Variants in ZBTB24 observed in about 807,000 individuals in gnomAD.
ZBTB24 encodes zinc finger and BTB domain-containing protein 24.
In ZBTB24, 32 loss-of-function variants were observed where a neutral mutation model predicts 53.8. The ratio of observed to expected loss-of-function variants is 0.60; its 90% CI spans 0.45 to 0.80. The LOEUF (loss-of-function observed/expected upper bound fraction) is 0.80, where lower values mean the gene tolerates loss of function less well. Ranked by LOEUF, ZBTB24 falls within the 30% of genes least tolerant of loss-of-function variation. ZBTB24 has a pLI of 0.00. For synonymous variants in ZBTB24, 297 were observed against 306.7 expected, an observed-to-expected ratio of 0.97 and a Z score of 0.33; for missense variants, 722 against 837.1, an observed-to-expected ratio of 0.86 and a Z score of 1.70.
rs941052898 is a variant in ZBTB24, at chr6:109,464,052, T to A, written c.*1799A>T. ...TTTAATTTCCTGGAGAAAATGTGGATTGGTGGGCTTTGAAAAGTTGGTAAA... is the reference window on the plus strand; with the variant it reads ...TTTAATTTCCTGGAGAAAATGTGGAATGGTGGGCTTTGAAAAGTTGGTAAA... On this transcript the variant is annotated 3_prime_UTR_variant, in exon 7 of 7. Transcript: ENST00000230122. The A allele has an allele frequency of 4.6e-5, 7 of 152,242 alleles. No homozygotes were observed. The highest frequency in any genetic ancestry group is 1.0e-4 in the Non-Finnish European group (7 of 68,006). The allele number at this position is 152,242 out of a possible 1,614,324, so 9.4% of individuals were successfully genotyped here.
chr6:109,475,540 A>G, intron 4 of ZBTB24, 58 bp from the exon 5 acceptor site: 1 of 1,591,672 alleles, frequency 6.3e-7, no homozygotes, highest in Non-Finnish European at 8.6e-7. Context: ...CCTTTTCTTC[A>G]GTGATTTGTG....
In ZBTB24 at chr6:109,465,788, C is replaced by A; in HGVS notation, c.*63G>T. On this transcript the variant is annotated 3_prime_UTR_variant, in exon 7 of 7. Coordinates refer to ENST00000230122, the MANE Select transcript of ZBTB24 (RefSeq NM_014797.3). Reference sequence around the variant, plus strand: ...TGTGGAGAGCCTGATTTCAAGCGTTCAAAATCCAGTCAGAGCTGGCTTATA... The same window carrying A: ...TGTGGAGAGCCTGATTTCAAGCGTTAAAAATCCAGTCAGAGCTGGCTTATA... 6.2e-7 allele frequency: 1 copy of A among 1,613,944 alleles called. No individual in the cohort carries two copies. The highest frequency in any genetic ancestry group is 1.1e-5 in the South Asian group (1 of 91,052).
In ZBTB24 at chr6:109,466,108, G is replaced by C; in HGVS notation, c.1837C>G (p.Gln613Glu). The change falls in exon 7 of 7, where the codon CAA (glutamine) becomes GAA (glutamate). Residue 613 changes from glutamine to glutamate, a missense_variant. By Grantham distance (29) the Gln-to-Glu change is conservative. Coordinates refer to ENST00000230122, the MANE Select transcript of ZBTB24 (RefSeq NM_014797.3). ...QNLILSAQQE[Q>E]TEHIQSLNMI... ...TTGAGGCTCTGAATGTGTTCTGTTT[G>C]CTCCTGTTGAGCTGAAAGAATTAAA... 6.2e-7 allele frequency: 1 copy of C among 1,614,260 alleles called. No homozygotes were observed. Among genetic ancestry groups the C allele is most frequent in the Non-Finnish European group, 8.5e-7 (1 of 1,180,056 alleles).
Position 109,464,009 on chromosome 6 carries a change from C to G in ZBTB24, c.*1842G>C, listed in dbSNP as rs1357279667. 1.3e-5 allele frequency: 2 copies of G among 152,144 alleles called. No homozygotes were observed. Among genetic ancestry groups the G allele is most frequent in the African/African-American group, 4.8e-5 (2 of 41,422 alleles). 9.4% of individuals were successfully genotyped at this position (152,144 alleles called of 1,614,324 possible). ...CACCTAGCTATCCAGAGTGAGTAAA[C>G]ACTCACTTACTTAAATATTTAATTT... On this transcript the variant is annotated 3_prime_UTR_variant, in exon 7 of 7. Transcript: ENST00000230122.
rs1582678735 is a variant in ZBTB24, at chr6:109,476,912, C to T, written c.971G>A (p.Cys324Tyr). ...RSHTGERPFKCNECGKGFAQK... is the reference protein window; with the variant it reads ...RSHTGERPFKYNECGKGFAQK... Reference sequence around the variant, plus strand: ...GGCAAAGCCTTTTCCACACTCATTACATTTGAAAGGTCGCTCCCCTGGAAG... The same window carrying T: ...GGCAAAGCCTTTTCCACACTCATTATATTTGAAAGGTCGCTCCCCTGGAAG... Residue 324 changes from cysteine (C) to tyrosine (Y), a missense_variant, in exon 3 of 7, where the codon TGT becomes TAT. Physicochemically the swap from Cys to Tyr is radical, Grantham distance 194. Coordinates refer to ENST00000230122, the MANE Select transcript of ZBTB24 (RefSeq NM_014797.3). 23 of 1,614,102 alleles carry T rather than the reference C, an allele frequency of 1.4e-5. No homozygotes were observed. The highest frequency in any genetic ancestry group is 1.9e-5 in the Non-Finnish European group (22 of 1,180,028).
intron 2 of ZBTB24, 114 bp downstream of exon 2, chr6:109,480,961 A>T (rs928036643): frequency 6.5e-7 from 1 of 1,533,702 alleles, no homozygotes; most frequent in African/African-American, 1.4e-5. Flanking sequence ...ACATGTATAA[A>T]GGCTTTATTA....
Position 109,466,225 on chromosome 6 carries a change from T to G in ZBTB24, c.1720A>C (p.Ser574Arg). ...TGGGAACTCTCTGCAGTCACAATGC[T>G]GATTCCCTGGCTAGGACCGGGCATG... is the stretch of plus-strand genomic sequence containing the variant. ...NFMPGPSQGI[S>R]IVTAESSQNM... Residue 574 changes from serine to arginine, a missense_variant, in exon 7 of 7, where the codon AGC (serine) becomes CGC (arginine). By Grantham distance (110) the Ser-to-Arg change is moderately radical. Transcript: ENST00000230122. The G allele has an allele frequency of 6.2e-7, 1 of 1,614,250 alleles. No homozygotes were observed. The highest frequency in any genetic ancestry group is 8.5e-7 in the Non-Finnish European group (1 of 1,180,038).
At chr6:109,482,836 T>C (rs1241341491) in intron 1 of ZBTB24, among the ~76,000 whole-genome samples, 1 of 152,200 alleles carries the variant, frequency 6.6e-6, no homozygotes, top group Non-Finnish European at 1.5e-5. Context: ...TGAAGAAATG[T>C]GCACGTGCAA....
Position 109,481,384 on chromosome 6 carries a change from CT to C in ZBTB24, c.642del (p.Glu215LysfsTer95). 3 of 1,614,196 alleles carry C rather than the reference CT, an allele frequency of 1.9e-6. No homozygotes were observed. The highest frequency in any genetic ancestry group is 2.5e-6 in the Non-Finnish European group (3 of 1,180,044). On this transcript the variant is annotated frameshift_variant, in exon 2 of 7. Transcript: ENST00000230122. LOFTEE classifies it high-confidence loss of function. ...SGVLNEQIAA[K>X]EKEESEPTCE... ...CAAGTAGGCTCCGATTCTTCCTTTTCTTTTGCTGCAATTTGCTCATTCAGTA... is the reference window on the plus strand; with the variant it reads ...CAAGTAGGCTCCGATTCTTCCTTTTCTTTGCTGCAATTTGCTCATTCAGTA...
intron 2 of ZBTB24, among the ~76,000 whole-genome samples, chr6:109,478,956 A>C (rs1776338402): frequency 6.6e-6 from 1 of 152,134 alleles, no homozygotes. Flanking sequence ...GAAAAAAAAG[A>C]GCTCCTAAAG....
chr6:109,479,864 C>G (rs1018470017), intron 2 of ZBTB24, among the ~76,000 whole-genome samples: 1 of 139,282 alleles, frequency 7.2e-6, no homozygotes, highest in East Asian at 2.1e-4. Flanking sequence ...TGCGGTGAGC[C>G]GAGATCGCGC....
At chr6:109,480,630 A>G (rs373626796) in intron 2 of ZBTB24, among the ~76,000 whole-genome samples, 65 of 152,350 alleles carry the variant, frequency 4.3e-4, no homozygotes, top group African/African-American at 1.5e-3. Context: ...AAGCATGGTT[A>G]TGGTCAAGAT....
chr6:109,467,465 TC>T (rs1776071331), intron 6 of ZBTB24, 187 bp downstream of exon 6: 1 of 949,794 alleles, frequency 1.1e-6, no homozygotes, highest in Non-Finnish European at 1.3e-6. Flanking sequence ...ACCACTGCAC[TC>T]CAGCCTGGGC....
intron 2 of ZBTB24, among the ~76,000 whole-genome samples, chr6:109,480,313 G>A (rs920696905): frequency 1.3e-5 from 2 of 152,220 alleles, no homozygotes; most frequent in Non-Finnish European, 2.9e-5. Flanking sequence ...GGGCTCAAAG[G>A]AGGAAGGGAT....
Position 109,467,684 on chromosome 6 carries a change from T to C in ZBTB24, c.1339A>G (p.Ser447Gly), listed in dbSNP as rs765839923. ...EICGKSFTAK[S>G]SLQTHIRIHR... Reference sequence around the variant, plus strand: ...ATTCTGATGTGGGTCTGAAGAGAACTCTTTGCTGTGAAAGATTTGCCACAG... The same window carrying C: ...ATTCTGATGTGGGTCTGAAGAGAACCCTTTGCTGTGAAAGATTTGCCACAG... Residue 447 changes from serine (S) to glycine (G), a missense_variant, in exon 6 of 7, where the codon AGT becomes GGT. Transcript: ENST00000230122. 1 of 1,614,078 alleles carries C rather than the reference T, an allele frequency of 6.2e-7. No individual in the cohort carries two copies. Among genetic ancestry groups the C allele is most frequent in the South Asian group, 1.1e-5 (1 of 91,072 alleles).
intron 5 of ZBTB24, among the ~76,000 whole-genome samples, chr6:109,470,958 T>G (rs1329329979): frequency 6.6e-6 from 1 of 152,238 alleles, no homozygotes; most frequent in Non-Finnish European, 1.5e-5. Flanking sequence ...TTTACCTATC[T>G]AATCCCCTCC....
At chr6:109,482,841 G>A (rs189260136) in intron 1 of ZBTB24, among the ~76,000 whole-genome samples, 5 of 152,290 alleles carry the variant, frequency 3.3e-5, no homozygotes, top group East Asian at 1.9e-4. Context: ...AAATGTGCAC[G>A]TGCAAAGTGA....
chr6:109,471,975 C>T (rs1317263764), intron 5 of ZBTB24, among the ~76,000 whole-genome samples: 1 of 152,122 alleles, frequency 6.6e-6, no homozygotes, highest in Non-Finnish European at 1.5e-5. Context: ...TGGGGATGCA[C>T]TCCTAGGAAA....
In ZBTB24 at chr6:109,476,230, G is replaced by A. The variant is rs146710426; in HGVS notation, c.1149C>T (p.Cys383=). The change falls in exon 4 of 7, where the codon TGC becomes TGT. Residue 383 remains cysteine (C), a synonymous_variant. Coordinates refer to ENST00000230122, the MANE Select transcript of ZBTB24 (RefSeq NM_014797.3). ...GTCTGTTCTGGCTGAAATATTTTCCGCATTGATCACAGGTAAAAGACTTCT... is the reference window on the plus strand; with the variant it reads ...GTCTGTTCTGGCTGAAATATTTTCCACATTGATCACAGGTAAAAGACTTCT... ...SGQKSFTCDQ[C]GKYFSQNRQL... 101 of 1,613,790 alleles carry A rather than the reference G, an allele frequency of 6.3e-5. No homozygotes were observed. The Admixed American group carries it at 1.1e-3, about 17-fold the overall frequency.
Sources: allele counts gnomAD v4.1 joint callset (sites outside exome capture counted in the v4.1 genomes callset), GRCh38; gene constraint gnomAD v4.1.1; transcripts MANE v1.5; gene names NCBI Gene and HGNC (gene_info 2026-07-23, HGNC 2026-07-21).